The following AGAP1 variants were observed in gnomAD, a reference collection of about 807,000 sequenced individuals.
The protein encoded by AGAP1 is arf-GAP with GTPase, ANK repeat and PH domain-containing protein 1.
In AGAP1, 29 loss-of-function variants were observed where a neutral mutation model predicts 105.3. That is an observed-to-expected ratio of 0.28 (90% CI 0.21 to 0.38). AGAP1 has a LOEUF of 0.38. Among genes scored for constraint, AGAP1 ranks in the 10% least tolerant of loss-of-function variants. AGAP1 has a pLI of 1.00. For missense variants in AGAP1, 998 were observed against 1,165.1 expected (o/e 0.86, Z 2.09); for synonymous variants, 509 against 485.9 (o/e 1.05, Z -0.63).
chr2:235,795,030 A>G (rs1203093402), intron 6 of AGAP1, among the ~76,000 whole-genome samples: 2 of 152,240 alleles, frequency 1.3e-5, no homozygotes, highest in African/African-American at 2.4e-5. Context: ...TGTTCTAAAT[A>G]GTATGAGTAA....
chr2:236,043,739 G>T (rs1188222708), intron 15 of AGAP1, among the ~76,000 whole-genome samples: 5 of 146,884 alleles, frequency 3.4e-5, no homozygotes, highest in Non-Finnish European at 7.4e-5. Context: ...AAAAAAAAGT[G>T]GGGGGGGTGC....
At chr2:236,084,121 C>G (rs2058859159) in intron 16 of AGAP1, among the ~76,000 whole-genome samples, 1 of 152,088 alleles carries the variant, frequency 6.6e-6, no homozygotes, top group Admixed American at 6.5e-5. Context: ...CCCCTACAGC[C>G]TGTAAACACC....
At chr2:235,605,553 A>C (rs1044825255) in intron 1 of AGAP1, among the ~76,000 whole-genome samples, 1 of 152,212 alleles carries the variant, frequency 6.6e-6, no homozygotes, top group African/African-American at 2.4e-5. Flanking sequence ...TTGCCAAGGC[A>C]CGTGTGGGTC....
rs181959629 is a variant in AGAP1 at position 235,737,415 on chromosome 2, A to G, written c.311-3548A>G. On this transcript the variant is annotated intron_variant, in intron 3 of 17. Coordinates refer to ENST00000304032, the MANE Select transcript of AGAP1 (RefSeq NM_001037131.3). The surrounding 1 kb of genome is among the most constrained non-coding windows in gnomAD (Gnocchi z 4.5). ...GATTCGAAGAGACCTTGCTGATGAGAGAAGGAATCACTGCTCCTTTTAGAG... is the reference window on the plus strand; with the variant it reads ...GATTCGAAGAGACCTTGCTGATGAGGGAAGGAATCACTGCTCCTTTTAGAG... Among the ~76,000 whole-genome samples, 2 of 152,318 alleles carry G rather than the reference A, an allele frequency of 1.3e-5. No individual in the cohort carries two copies. The highest frequency in any genetic ancestry group is 3.9e-4 in the East Asian group (2 of 5,176).
intron 1 of AGAP1, among the ~76,000 whole-genome samples, chr2:235,686,654 TA>T (rs1949449617): frequency 1.6e-5 from 1 of 63,298 alleles, no homozygotes; most frequent in Non-Finnish European, 2.7e-5. Flanking sequence ...TAGATATATA[TA>T]TATATATATA....
chr2:235,627,168 G>A (rs936580884), intron 1 of AGAP1, among the ~76,000 whole-genome samples: 1 of 143,666 alleles, frequency 7.0e-6, no homozygotes, highest in African/African-American at 2.6e-5. Context: ...TGCTTTTCCT[G>A]TGCTGGCCCC....
rs2055593494 is a variant in AGAP1 at position 235,992,155 on chromosome 2, G to T, written c.1645+23532G>T. On this transcript the variant is annotated intron_variant, in intron 13 of 17. Coordinates refer to ENST00000304032, the MANE Select transcript of AGAP1 (RefSeq NM_001037131.3). The surrounding 1 kb of genome is among the most constrained non-coding windows in gnomAD (Gnocchi z 4.8). ...GGTTAGAAGCGCAGCGGAGGAGCCT[G>T]TCTTCCTGGGTCCGAGTTGCGTGGT... Among the ~76,000 whole-genome samples the T allele has an allele frequency of 6.6e-6, 1 of 152,150 alleles. No homozygotes were observed. The highest frequency in any genetic ancestry group is 1.5e-5 in the Non-Finnish European group (1 of 68,038).
intron 1 of AGAP1, among the ~76,000 whole-genome samples, chr2:235,528,364 GC>G (rs1177198779): frequency 3.7e-4 from 17 of 46,304 alleles, no homozygotes; most frequent in South Asian, 1.1e-3. Context: ...CCCCTCCCCC[GC>G]CCCCTCCCCT....
At position 236,061,888 on chromosome 2, in the gene AGAP1, A is replaced by G. The variant is rs1190388003; in HGVS notation, c.2114+12607A>G. ...ATAAATTATGTCAATTTTGAAAAAA[A>G]AAAAAAAGGAATTTCCAAAGGAAAA... On this transcript the variant is annotated intron_variant, in intron 16 of 17. Transcript: ENST00000304032. The surrounding 1 kb of genome is among the most constrained non-coding windows in gnomAD (Gnocchi z 4.1). 6.6e-6 allele frequency among the ~76,000 whole-genome samples: 1 copy of G among 151,986 alleles called. No individual in the cohort carries two copies. Among genetic ancestry groups the G allele is most frequent in the Non-Finnish European group, 1.5e-5 (1 of 68,000 alleles).
intron 16 of AGAP1, among the ~76,000 whole-genome samples, chr2:236,118,194 A>G (rs2059816501): frequency 1.3e-5 from 2 of 152,168 alleles, no homozygotes; most frequent in South Asian, 4.2e-4. Context: ...GTCATGGGTA[A>G]TGAGTTTTCT....
rs12618725 is a variant in AGAP1, at chr2:236,051,553, G to C, written c.2114+2272G>C. On this transcript the variant is annotated intron_variant, in intron 16 of 17. Coordinates refer to ENST00000304032, the MANE Select transcript of AGAP1 (RefSeq NM_001037131.3). The surrounding 1 kb of genome is among the most constrained non-coding windows in gnomAD (Gnocchi z 5.9). Reference sequence around the variant, plus strand: ...GGCCTCGGTGGATGCAGGCTCGGCCGGGCCTGTGGGGAGGTGTGCCTGTCG... The same window carrying C: ...GGCCTCGGTGGATGCAGGCTCGGCCCGGCCTGTGGGGAGGTGTGCCTGTCG... Among the ~76,000 whole-genome samples the C allele has an allele frequency of 0.8, 121,048 of 152,060 alleles. 48,350 individuals carry two copies. The highest frequency in any genetic ancestry group is 0.92 in the East Asian group (4,734 of 5,128).
chr2:235,763,654 TCAGCGTTCTC>T (rs1259587712), intron 6 of AGAP1, among the ~76,000 whole-genome samples: 1 of 152,180 alleles, frequency 6.6e-6, no homozygotes, highest in African/African-American at 2.4e-5. Context: ...CTGTCCTAAT[TCAGCGTTCTC>T]CAGCAGCTGC....
intron 14 of AGAP1, among the ~76,000 whole-genome samples, chr2:236,039,780 A>T (rs2057491101): frequency 6.6e-6 from 1 of 152,232 alleles, no homozygotes; most frequent in South Asian, 2.1e-4. Flanking sequence ...TAAAGTACAT[A>T]TGTGTATGTA....
chr2:235,879,301 G>C lies in AGAP1; in HGVS notation c.1051-4044G>C, dbSNP rs1422055631. Among the ~76,000 whole-genome samples the C allele has an allele frequency of 6.6e-6, 1 of 152,202 alleles. No individual in the cohort carries two copies. The highest frequency in any genetic ancestry group is 1.5e-5 in the Non-Finnish European group (1 of 68,042). Reference sequence around the variant, plus strand: ...AAGTGCACCTGCCCCAGCCCAGCTAGACCACAGCCATGACATGGCAAGCGG... The same window carrying C: ...AAGTGCACCTGCCCCAGCCCAGCTACACCACAGCCATGACATGGCAAGCGG... On this transcript the variant is annotated intron_variant, in intron 9 of 17. Coordinates refer to ENST00000304032, the MANE Select transcript of AGAP1 (RefSeq NM_001037131.3). This position sits in a 1 kb window ranked among gnomAD's most constrained non-coding sequence, Gnocchi z 5.0.
At position 235,754,220 on chromosome 2, in the gene AGAP1, T is replaced by C. The variant is rs925481196; in HGVS notation, c.673+3732T>C. On this transcript the variant is annotated intron_variant, in intron 6 of 17. Coordinates refer to ENST00000304032, the MANE Select transcript of AGAP1 (RefSeq NM_001037131.3). The surrounding 1 kb of genome is among the most constrained non-coding windows in gnomAD (Gnocchi z 4.6). ...AGAACACACCAGCTTTGCCCACAGG[T>C]CTGGGGAGGGCCTTGCAGGGGATGC... is the stretch of plus-strand genomic sequence containing the variant. 3.9e-5 allele frequency among the ~76,000 whole-genome samples: 6 copies of C among 152,056 alleles called. No individual in the cohort carries two copies. The highest frequency in any genetic ancestry group is 1.4e-4 in the African/African-American group (6 of 41,394).
chr2:235,709,385 T>C lies in AGAP1; in HGVS notation c.222+148T>C, dbSNP rs557401552. 3.3e-6 allele frequency: 3 copies of C among 913,126 alleles called. No homozygotes were observed. In the East Asian group the frequency reaches 7.3e-5, roughly 22 times the overall value. The allele number at this position is 913,126 out of a possible 1,614,324, so 56.6% of individuals were successfully genotyped here. ...TGTTCCTGGGAAGGGCCAGGTATAG[T>C]TGATAGCTTGGGACTAGAGTCCAAG... On this transcript the variant is annotated intron_variant, in intron 2 of 17. Coordinates refer to ENST00000304032, the MANE Select transcript of AGAP1 (RefSeq NM_001037131.3).
Position 235,614,684 on chromosome 2 carries a change from G to T in AGAP1, c.164-94495G>T, listed in dbSNP as rs1574967696. Among the ~76,000 whole-genome samples, 1 of 152,188 alleles carries T rather than the reference G, an allele frequency of 6.6e-6. No individual in the cohort carries two copies. Among genetic ancestry groups the T allele is most frequent in the Non-Finnish European group, 1.5e-5 (1 of 68,046 alleles). ...GGTTTGGGGTGTGCCAGGCTCAGGGGCAGGGCCCTTTTTCCACACGCTTAG... is the reference window on the plus strand; with the variant it reads ...GGTTTGGGGTGTGCCAGGCTCAGGGTCAGGGCCCTTTTTCCACACGCTTAG... On this transcript the variant is annotated intron_variant, in intron 1 of 17. Coordinates refer to ENST00000304032, the MANE Select transcript of AGAP1 (RefSeq NM_001037131.3). This position sits in a 1 kb window ranked among gnomAD's most constrained non-coding sequence, Gnocchi z 4.7.
chr2:236,068,132 C>T (rs775620295), intron 16 of AGAP1, among the ~76,000 whole-genome samples: 14 of 152,048 alleles, frequency 9.2e-5, no homozygotes, highest in Non-Finnish European at 1.6e-4. Flanking sequence ...TTTAGCTGGG[C>T]GTTGTGGCAT....
Position 235,872,866 on chromosome 2 carries a change from G to T in AGAP1, c.1051-10479G>T, listed in dbSNP as rs2049514849. 1.3e-5 allele frequency among the ~76,000 whole-genome samples: 2 copies of T among 152,254 alleles called. No individual in the cohort carries two copies. The highest frequency in any genetic ancestry group is 2.9e-5 in the Non-Finnish European group (2 of 68,044). ...GTCGAACTGGAACTTGCTTTGGGAAGAGTGTGGACTAAGAAGGGGCTTGGC... is the reference window on the plus strand; with the variant it reads ...GTCGAACTGGAACTTGCTTTGGGAATAGTGTGGACTAAGAAGGGGCTTGGC... On this transcript the variant is annotated intron_variant, in intron 9 of 17. Coordinates refer to ENST00000304032, the MANE Select transcript of AGAP1 (RefSeq NM_001037131.3). The surrounding 1 kb of genome is among the most constrained non-coding windows in gnomAD (Gnocchi z 4.5).
Sources: gnomAD v4.1 joint callset for allele counts (sites outside exome capture counted in the v4.1 genomes callset) on GRCh38, gnomAD v4.1.1 for gene constraint, Gnocchi (gnomAD v3.1) non-coding constraint, MANE v1.5 for transcripts, NCBI Gene and HGNC (gene_info 2026-07-23, HGNC 2026-07-21) for gene names.